Variants in CTSE observed in about 807,000 individuals in gnomAD.
CTSE encodes cathepsin E, also known as erythrocyte membrane aspartic proteinase.
CTSE carries 43 observed loss-of-function variants against 42.8 expected under a neutral mutation model. That is an observed-to-expected ratio of 1.01 (90% CI 0.79 to 1.30). The LOEUF is 1.30. CTSE is among the 50% of genes most tolerant of loss of function. The pLI, the probability that CTSE is intolerant of heterozygous loss-of-function variation, is 0.00. For synonymous variants in CTSE, 205 were observed against 191.5 expected (o/e 1.07, Z -0.58); for missense variants, 532 against 493.5 (o/e 1.08, Z -0.74).
Position 206,013,497 on chromosome 1 carries a change from A to C in CTSE, c.785+275T>G, listed in dbSNP as rs553500349. 6.6e-5 allele frequency among the ~76,000 whole-genome samples: 10 copies of C among 152,140 alleles called. 1 individual carries two copies. Among genetic ancestry groups the C allele is most frequent in the Admixed American group, 6.5e-4 (10 of 15,292 alleles). On this transcript the variant is annotated intron_variant, in intron 6 of 8. Coordinates refer to ENST00000358184, the MANE Select transcript of CTSE (RefSeq NM_001910.4). ...TTACTCATCCCTTGCCTTGTGTGTT[A>C]ATGTTAAAAGAACAAAGGGGAGCAG...
chr1:206,019,454 C>T (rs1240795915), intron 4 of CTSE, among the ~76,000 whole-genome samples: 1 of 151,900 alleles, frequency 6.6e-6, no homozygotes, highest in Non-Finnish European at 1.5e-5. Flanking sequence ...TAAGTGCACA[C>T]CTGGTCCTGG....
intron 4 of CTSE, among the ~76,000 whole-genome samples, chr1:206,019,414 A>C (rs1412584139): frequency 1.3e-5 from 2 of 151,950 alleles, no homozygotes; most frequent in Non-Finnish European, 2.9e-5. Flanking sequence ...TGGGGATGTT[A>C]TGCAGCAAAA....
chr1:206,018,569 T>C (rs1389134415), intron 4 of CTSE, among the ~76,000 whole-genome samples: 1 of 151,998 alleles, frequency 6.6e-6, no homozygotes, highest in Admixed American at 6.6e-5. Context: ...GTGGAAAGAT[T>C]TTTTAATAAC....
chr1:206,012,423 A>C lies in CTSE; in HGVS notation c.928-17T>G. On this transcript the variant is annotated splice_polypyrimidine_tract_variant and intron_variant, in intron 7 of 8. Coordinates refer to ENST00000358184, the MANE Select transcript of CTSE (RefSeq NM_001910.4). Reference sequence around the variant, plus strand: ...CACAGCATACTAAAACCCAATACGGAGGATCCGTTTAGAGCCTTGCCACCT... The same window carrying C: ...CACAGCATACTAAAACCCAATACGGCGGATCCGTTTAGAGCCTTGCCACCT... 6.2e-7 allele frequency: 1 copy of C among 1,613,818 alleles called. No homozygotes were observed. The highest frequency in any genetic ancestry group is 8.5e-7 in the Non-Finnish European group (1 of 1,179,790).
Position 206,010,005 on chromosome 1 carries a change from G to T in CTSE, c.*178C>A. 1 of 629,496 alleles carries T rather than the reference G, an allele frequency of 1.6e-6. No individual in the cohort carries two copies. The highest frequency in any genetic ancestry group is 1.9e-5 in the South Asian group (1 of 51,796). The allele number at this position is 629,496 out of a possible 1,614,324, so 39.0% of individuals were successfully genotyped here. A position where few individuals can be genotyped will look rare whatever the true frequency, so the allele number is the denominator to read the frequency against. On this transcript the variant is annotated 3_prime_UTR_variant, in exon 9 of 9. Coordinates refer to ENST00000358184, the MANE Select transcript of CTSE (RefSeq NM_001910.4). ...AGTGGTGTGTATGTGTGAAGTGTGT[G>T]TGTGTGTATATGTGTGTGTGTGTGT...
chr1:206,011,117 T>C (rs559320886), intron 8 of CTSE, among the ~76,000 whole-genome samples: 1 of 152,100 alleles, frequency 6.6e-6, no homozygotes, highest in East Asian at 1.9e-4. Flanking sequence ...CCACTCACTG[T>C]ACTGCGAAAG....
rs1199110821 is a variant in CTSE at position 206,021,178 on chromosome 1, G to A, written c.344-11C>T. The A allele has an allele frequency of 6.3e-7, 1 of 1,589,744 alleles. No homozygotes were observed. The highest frequency in any genetic ancestry group is 8.6e-7 in the Non-Finnish European group (1 of 1,157,870). The stretch of plus-strand genomic sequence containing the variant: ...ACCTGCTGTGCGTCTCTGGAAAGAA[G>A]TGCACTGCTCTTGCTTATGCCATCG... On this transcript the variant is annotated splice_polypyrimidine_tract_variant and intron_variant, in intron 3 of 8. Transcript: ENST00000358184.
chr1:206,011,224 A>C (rs1365085120), intron 8 of CTSE, among the ~76,000 whole-genome samples: 1 of 151,826 alleles, frequency 6.6e-6, no homozygotes, highest in Non-Finnish European at 1.5e-5. Context: ...ATGATCTTCT[A>C]AAATGATCTT....
rs116115461 is a variant in CTSE at position 206,012,826 on chromosome 1, C to T, written c.786-177G>A. Among the ~76,000 whole-genome samples the T allele has an allele frequency of 7.0e-3, 1,067 of 152,178 alleles. 15 individuals carry two copies. The highest frequency in any genetic ancestry group is 0.025 in the African/African-American group (1,025 of 41,556). On this transcript the variant is annotated intron_variant, in intron 6 of 8. Transcript: ENST00000358184. Reference sequence around the variant, plus strand: ...GGAAGAAATCTGTTTACTTCTTGACCCAGTGCACACACACACACATTCATG... The same window carrying T: ...GGAAGAAATCTGTTTACTTCTTGACTCAGTGCACACACACACACATTCATG...
Position 206,009,940 on chromosome 1 carries a change from T to C in CTSE, c.*243A>G. 2.0e-6 allele frequency: 1 copy of C among 487,834 alleles called. No homozygotes were observed. The highest frequency in any genetic ancestry group is 3.6e-6 in the Non-Finnish European group (1 of 274,232). The allele number at this position is 487,834 out of a possible 1,614,324, so 30.2% of individuals were successfully genotyped here. A position where few individuals can be genotyped will look rare whatever the true frequency, so the allele number is the denominator to read the frequency against. Reference sequence around the variant, plus strand: ...CATAATCAAAAATCAATACAAAATATGAATGTATAACGTAATTCCTCCATC... The same window carrying C: ...CATAATCAAAAATCAATACAAAATACGAATGTATAACGTAATTCCTCCATC... On this transcript the variant is annotated 3_prime_UTR_variant, in exon 9 of 9. Coordinates refer to ENST00000358184, the MANE Select transcript of CTSE (RefSeq NM_001910.4).
At chr1:206,012,437 G>C in intron 7 of CTSE, 31 bp from the exon 8 acceptor site, 1 of 1,613,624 alleles carries the variant, frequency 6.2e-7, no homozygotes. Context: ...TCCGTTTAGA[G>C]CCTTGCCACC....
chr1:206,018,270 A>T (rs1553277918), intron 4 of CTSE, among the ~76,000 whole-genome samples: 1 of 152,094 alleles, frequency 6.6e-6, no homozygotes, highest in African/African-American at 2.4e-5. Flanking sequence ...ATTCCTGGAA[A>T]GATGACCCTT....
Position 206,022,909 on chromosome 1 carries a change from A to G in CTSE, c.217T>C (p.Tyr73His). ...DQSAKEPLIN[Y>H]LDMEYFGTIS... is the part of the protein sequence containing the mutation. ...ACCCCAGGAGGCCTCACATCCAAGT[A>G]GTTGATGAGGGGTTCCTTGGCACTC... The change falls in exon 2 of 9, where the codon TAC becomes CAC. Residue 73 changes from tyrosine to histidine, a missense_variant. Physicochemically the swap from Tyr to His is moderately conservative, Grantham distance 83. Transcript: ENST00000358184. 6.3e-7 allele frequency: 1 copy of G among 1,575,312 alleles called. No homozygotes were observed.
intron 7 of CTSE, 31 bp downstream of exon 7, chr1:206,012,477 C>G: frequency 6.2e-7 from 1 of 1,613,934 alleles, no homozygotes. Context: ...TCTCCTGTCC[C>G]CACCACTCCC....
chr1:206,020,258 T>G (rs1386691022), intron 4 of CTSE, among the ~76,000 whole-genome samples: 2 of 151,550 alleles, frequency 1.3e-5, no homozygotes, highest in African/African-American at 4.8e-5. Context: ...CATTGTTTTA[T>G]CTGTATGATA....
chr1:206,012,726 C>CAAATG (rs1294683056), intron 6 of CTSE, 77 bp from the exon 7 acceptor site: 1 of 1,517,808 alleles, frequency 6.6e-7, no homozygotes, highest in African/African-American at 1.4e-5. Flanking sequence ...TTTGGCCTCT[C>CAAATG]AAATGCCTGG....
Position 206,022,291 on chromosome 1 carries a change from A to G in CTSE, c.226-24T>C, listed in dbSNP as rs372023831. The G allele has an allele frequency of 2.1e-4, 327 of 1,554,508 alleles. 2 individuals carry two copies. The highest frequency in any genetic ancestry group is 2.6e-4 in the Non-Finnish European group (298 of 1,132,536). On this transcript the variant is annotated intron_variant, in intron 2 of 8. Transcript: ENST00000358184. ...ATCTGCAAGGAAGAGTGAGAAGGAA[A>G]GAGGGTGTGGGTGGTGGGGAGGGAC...
At chr1:206,020,104 A>G (rs1197011912) in intron 4 of CTSE, among the ~76,000 whole-genome samples, 1 of 146,716 alleles carries the variant, frequency 6.8e-6, no homozygotes, top group Non-Finnish European at 1.5e-5. Flanking sequence ...TATTGTATCT[A>G]TATAATATAT....
chr1:206,015,848 T>G, intron 5 of CTSE, 83 bp downstream of exon 5: 1 of 1,267,332 alleles, frequency 7.9e-7, no homozygotes, highest in Non-Finnish European at 1.1e-6. Flanking sequence ...CTAAACCAGG[T>G]CTTTTGACTG....
Sources: gnomAD v4.1 joint callset for allele counts (sites outside exome capture counted in the v4.1 genomes callset) on GRCh38, gnomAD v4.1.1 for gene constraint, MANE v1.5 for transcripts, NCBI Gene and HGNC (gene_info 2026-07-23, HGNC 2026-07-21) for gene names.